Variants in CNTN3 observed in about 807,000 individuals in gnomAD.
CNTN3 encodes contactin 3, also known as contactin-3.
A neutral mutation model predicts 119.1 loss-of-function variants in CNTN3; 60 were observed. The ratio of observed to expected loss-of-function variants is 0.50; its 90% CI spans 0.41 to 0.62. The LOEUF is 0.62. Ranked by LOEUF, CNTN3 falls within the 20% of genes least tolerant of loss-of-function variation. The pLI is 0.00. For missense variants in CNTN3, 1,101 were observed against 1,242.4 expected (o/e 0.89, Z 1.71); for synonymous variants, 450 against 438.7 (o/e 1.03, Z -0.32).
At chr3:74,579,959 T>C (rs1402630851) in intron 1 of CNTN3, among the ~76,000 whole-genome samples, 1 of 152,058 alleles carries the variant, frequency 6.6e-6, no homozygotes, top group Non-Finnish European at 1.5e-5. Flanking sequence ...TTTGAATATA[T>C]ATATAAGTAG....
intron 1 of CNTN3, among the ~76,000 whole-genome samples, chr3:74,576,948 T>C (rs773680438): frequency 5.9e-5 from 9 of 152,188 alleles, no homozygotes; most frequent in Non-Finnish European, 1.2e-4. Context: ...CGAATCTTAG[T>C]GAGCAACCTT....
chr3:74,422,900 C>A (rs1225851218), intron 5 of CNTN3, among the ~76,000 whole-genome samples: 1 of 152,168 alleles, frequency 6.6e-6, no homozygotes, highest in Non-Finnish European at 1.5e-5. Context: ...TGCTTGTCAG[C>A]TGGTGGACTG....
chr3:74,454,668 T>C (rs1702231571), intron 4 of CNTN3, among the ~76,000 whole-genome samples: 1 of 152,156 alleles, frequency 6.6e-6, no homozygotes, highest in African/African-American at 2.4e-5. Context: ...CCTTTCCATG[T>C]CTAGTGCTTC....
Position 74,524,879 on chromosome 3 carries a change from C to G in CNTN3, c.-80-3687G>C, listed in dbSNP as rs1168454780. Reference sequence around the variant, plus strand: ...ATGCAAAGGCCCTGTGGCTTAGGTGCTCATGGTATGTTTTTGCTCTCGGGT... The same window carrying G: ...ATGCAAAGGCCCTGTGGCTTAGGTGGTCATGGTATGTTTTTGCTCTCGGGT... On this transcript the variant is annotated intron_variant, in intron 1 of 22. Transcript: ENST00000263665. Among the ~76,000 whole-genome samples, 3 of 151,764 alleles carry G rather than the reference C, an allele frequency of 2.0e-5. No homozygotes were observed. In the East Asian group the frequency reaches 5.9e-4, roughly 30 times the overall value.
At chr3:74,371,068 A>G in intron 6 of CNTN3, 128 bp downstream of exon 6, 1 of 668,996 alleles carries the variant, frequency 1.5e-6, no homozygotes. Flanking sequence ...GTACTCATAA[A>G]ATAGTCTGTG....
intron 1 of CNTN3, among the ~76,000 whole-genome samples, chr3:74,553,575 T>C (rs1704025267): frequency 6.6e-6 from 1 of 152,200 alleles, no homozygotes. Context: ...ATTCCATTTT[T>C]TCCACAACCT....
intron 11 of CNTN3, among the ~76,000 whole-genome samples, chr3:74,356,084 A>G (rs1703927952): frequency 1.3e-5 from 2 of 152,042 alleles, no homozygotes; most frequent in Non-Finnish European, 1.5e-5. Context: ...ACATAGGGGT[A>G]TAAGGTCAGT....
chr3:74,292,567 C>T (rs1702253367), intron 19 of CNTN3, among the ~76,000 whole-genome samples: 2 of 151,962 alleles, frequency 1.3e-5, no homozygotes, highest in Non-Finnish European at 2.9e-5. Context: ...AACTCCGTCT[C>T]AAAAATAAAT....
At chr3:74,413,524 C>T (rs1030330298) in intron 5 of CNTN3, among the ~76,000 whole-genome samples, 1 of 151,970 alleles carries the variant, frequency 6.6e-6, no homozygotes, top group African/African-American at 2.4e-5. Flanking sequence ...TCAATAAACT[C>T]AAAAAAGAAC....
Position 74,404,005 on chromosome 3 carries a change from C to T in CNTN3, c.454+20840G>A, listed in dbSNP as rs535553275. On this transcript the variant is annotated intron_variant, in intron 5 of 22. Transcript: ENST00000263665. ...ACTCGTAATACTTTCATCTATTCTG[C>T]TCTTACAAGACTCGCTATTCTCTGT... is the stretch of plus-strand genomic sequence containing the variant. Among the ~76,000 whole-genome samples the T allele has an allele frequency of 6.6e-5, 10 of 152,108 alleles. No individual in the cohort carries two copies. In the East Asian group the frequency reaches 1.7e-3, roughly 26 times the overall value.
At chr3:74,351,239 G>A (rs1423716627) in intron 11 of CNTN3, among the ~76,000 whole-genome samples, 1 of 152,190 alleles carries the variant, frequency 6.6e-6, no homozygotes, top group Non-Finnish European at 1.5e-5. Flanking sequence ...TAAAAAGGCG[G>A]GGGTCCCACA....
chr3:74,430,072 C>T (rs1329337027), intron 4 of CNTN3, among the ~76,000 whole-genome samples: 1 of 152,080 alleles, frequency 6.6e-6, no homozygotes, highest in Non-Finnish European at 1.5e-5. Context: ...ATATGGAAAA[C>T]ATGTTTTTTA....
chr3:74,425,496 C>G (rs1197659576), intron 4 of CNTN3, among the ~76,000 whole-genome samples: 1 of 152,074 alleles, frequency 6.6e-6, no homozygotes, highest in African/African-American at 2.4e-5. Context: ...ACCCACTGAT[C>G]CCATGTTGCT....
At chr3:74,528,058 A>AAG (rs1703644651) in intron 1 of CNTN3, among the ~76,000 whole-genome samples, 1 of 151,904 alleles carries the variant, frequency 6.6e-6, no homozygotes, top group African/African-American at 2.4e-5. Context: ...TATAATAATG[A>AAG]AAGGAAAACT....
intron 1 of CNTN3, among the ~76,000 whole-genome samples, chr3:74,596,268 A>G (rs1251500055): frequency 1.3e-5 from 2 of 152,162 alleles, no homozygotes; most frequent in Non-Finnish European, 1.5e-5. Context: ...TACCCAAGGT[A>G]ATTTATAGAT....
intron 13 of CNTN3, among the ~76,000 whole-genome samples, chr3:74,334,453 G>A (rs531645050): frequency 1.8e-4 from 28 of 152,092 alleles, no homozygotes; most frequent in African/African-American, 6.0e-4. Context: ...GAAAATCTTC[G>A]TTTCCATAAG....
At chr3:74,335,369 G>A (rs1170431913) in intron 12 of CNTN3, among the ~76,000 whole-genome samples, 1 of 151,992 alleles carries the variant, frequency 6.6e-6, no homozygotes, top group African/African-American at 2.4e-5. Context: ...GCTAGAATAG[G>A]TACAAAAAGG....
intron 13 of CNTN3, among the ~76,000 whole-genome samples, chr3:74,304,260 T>C (rs1702515891): frequency 6.6e-6 from 1 of 152,250 alleles, no homozygotes; most frequent in South Asian, 2.1e-4. Flanking sequence ...TAAGCTTGCA[T>C]GTTTTACTTT....
At chr3:74,363,260 TC>T (rs1704116777) in intron 10 of CNTN3, among the ~76,000 whole-genome samples, 1 of 152,200 alleles carries the variant, frequency 6.6e-6, no homozygotes, top group African/African-American at 2.4e-5. Context: ...ATGATGCATT[TC>T]TAACTGCCAG....
Sources: gnomAD v4.1 joint callset for allele counts (sites outside exome capture counted in the v4.1 genomes callset) on GRCh38, gnomAD v4.1.1 for gene constraint, MANE v1.5 for transcripts, NCBI Gene and HGNC (gene_info 2026-07-23, HGNC 2026-07-21) for gene names.